The following DCC variants were observed in gnomAD, a reference collection of about 807,000 sequenced individuals.
DCC encodes the protein netrin receptor DCC.
A neutral mutation model predicts 172.5 loss-of-function variants in DCC; 58 were observed. That is an observed-to-expected ratio of 0.34 (90% CI 0.27 to 0.42). The LOEUF is 0.42. DCC is among the 10% of genes least tolerant of loss of function. The probability of loss-of-function intolerance (pLI) is 1.00; values close to 1 mark genes in which losing one functional copy is unlikely to be tolerated. For missense variants in DCC, 1,740 were observed against 1,791.0 expected, an observed-to-expected ratio of 0.97 and a Z score of 0.51; for synonymous variants, 709 against 644.5, an observed-to-expected ratio of 1.10 and a Z score of -1.52.
At chr18:52,935,599 A>G (rs529042619) in intron 5 of DCC, among the ~76,000 whole-genome samples, 1 of 152,044 alleles carries the variant, frequency 6.6e-6, no homozygotes, top group South Asian at 2.1e-4. Flanking sequence ...ACGGAACAAT[A>G]TGTGATATTA....
intron 12 of DCC, among the ~76,000 whole-genome samples, chr18:53,218,377 C>T (rs554272257): frequency 1.1e-4 from 17 of 152,112 alleles, no homozygotes; most frequent in African/African-American, 3.4e-4. Context: ...TCTAGGTACT[C>T]GTTAAGGTTT....
intron 5 of DCC, among the ~76,000 whole-genome samples, chr18:52,935,223 C>G (rs2040364989): frequency 6.6e-6 from 1 of 152,022 alleles, no homozygotes; most frequent in African/African-American, 2.4e-5. Context: ...TGCTCATTTA[C>G]ATAATAGGTC....
chr18:53,019,795 G>T (rs2041854754), intron 5 of DCC, among the ~76,000 whole-genome samples: 1 of 152,046 alleles, frequency 6.6e-6, no homozygotes, highest in Admixed American at 6.6e-5. Flanking sequence ...ATGTATGGTT[G>T]CTTTTGTGCT....
chr18:53,341,136 C>T (rs913258606), intron 15 of DCC, among the ~76,000 whole-genome samples: 3 of 152,130 alleles, frequency 2.0e-5, no homozygotes, highest in Non-Finnish European at 4.4e-5. Context: ...GGCTATCAAG[C>T]CTATGTCAAG....
chr18:53,314,685 G>A (rs1424751458), intron 13 of DCC, among the ~76,000 whole-genome samples: 2 of 151,984 alleles, frequency 1.3e-5, no homozygotes, highest in Non-Finnish European at 2.9e-5. Context: ...AGCTTTTTTA[G>A]GTGTTTGTAG....
chr18:53,020,582 C>T (rs928845330), intron 5 of DCC, among the ~76,000 whole-genome samples: 12 of 152,266 alleles, frequency 7.9e-5, no homozygotes, highest in Admixed American at 4.6e-4. Flanking sequence ...TAGTTCCTAG[C>T]CCTAGTGTAC....
At chr18:52,378,128 T>G (rs1985431525) in intron 1 of DCC, among the ~76,000 whole-genome samples, 1 of 152,134 alleles carries the variant, frequency 6.6e-6, no homozygotes, top group African/African-American at 2.4e-5. Flanking sequence ...TTAAAAGGAA[T>G]AGATTAACTA....
rs532280535 is a variant in DCC, at chr18:52,980,646, T to A, written c.985+55276T>A. On this transcript the variant is annotated intron_variant, in intron 5 of 28. Transcript: ENST00000442544. Reference sequence around the variant, plus strand: ...ATTGTGACATTTTCATAGCAAAAAATTTTATAACATAAAATAAGTACTAAA... The same window carrying A: ...ATTGTGACATTTTCATAGCAAAAAAATTTATAACATAAAATAAGTACTAAA... Among the ~76,000 whole-genome samples the A allele has an allele frequency of 1.1e-3, 171 of 152,126 alleles. 2 individuals are homozygous for A. Among genetic ancestry groups the A allele is most frequent in the African/African-American group, 3.7e-3 (153 of 41,536 alleles).
At chr18:52,520,102 C>G (rs900485019) in intron 1 of DCC, among the ~76,000 whole-genome samples, 1 of 152,210 alleles carries the variant, frequency 6.6e-6, no homozygotes, top group African/African-American at 2.4e-5. Flanking sequence ...AAGCACCAGT[C>G]ATCCAAGGGT....
intron 15 of DCC, among the ~76,000 whole-genome samples, chr18:53,355,578 T>C (rs1181459408): frequency 6.6e-6 from 1 of 152,060 alleles, no homozygotes; most frequent in Non-Finnish European, 1.5e-5. Flanking sequence ...CTCTGTCTGT[T>C]ATTAGTGTAT....
intron 15 of DCC, among the ~76,000 whole-genome samples, chr18:53,365,138 A>G (rs2057990153): frequency 1.4e-5 from 2 of 145,174 alleles, no homozygotes; most frequent in South Asian, 4.3e-4. Flanking sequence ...AAGTGTTTTC[A>G]TTGTTCAATT....
chr18:52,588,366 C>T (rs1451397565), intron 1 of DCC, among the ~76,000 whole-genome samples: 1 of 152,180 alleles, frequency 6.6e-6, no homozygotes, highest in Non-Finnish European at 1.5e-5. Context: ...CTGTTCTGGA[C>T]CCCACTCAAA....
rs1363306132 is a variant in DCC, at chr18:53,303,536, G to T, written c.1912-2042G>T. ...TTTTAAACTACAAATTTTAGCACTT[G>T]AGTTGGACTTATTAAGTAGTGAAAT... is the stretch of plus-strand genomic sequence containing the variant. On this transcript the variant is annotated intron_variant, in intron 12 of 28. Transcript: ENST00000442544. Among the ~76,000 whole-genome samples the T allele has an allele frequency of 3.9e-5, 6 of 152,192 alleles. No individual in the cohort carries two copies. In the East Asian group the frequency reaches 9.6e-4, roughly 24 times the overall value.
At chr18:52,815,104 A>G (rs1180197675) in intron 2 of DCC, among the ~76,000 whole-genome samples, 1 of 152,160 alleles carries the variant, frequency 6.6e-6, no homozygotes, top group Non-Finnish European at 1.5e-5. Flanking sequence ...ATAGTAAAAG[A>G]CTTTATGATG....
intron 1 of DCC, among the ~76,000 whole-genome samples, chr18:52,517,841 G>C (rs1193361906): frequency 6.6e-6 from 1 of 152,110 alleles, no homozygotes; most frequent in East Asian, 1.9e-4. Flanking sequence ...AAGGGATTAG[G>C]AAATACATAG....
At chr18:53,162,295 C>T (rs1337856488) in intron 8 of DCC, among the ~76,000 whole-genome samples, 59 of 103,314 alleles carry the variant, frequency 5.7e-4, no homozygotes, top group African/African-American at 2.2e-3. Context: ...CAAGACTCTG[C>T]CTCAAAAAAA....
At chr18:53,046,709 T>A (rs2042243820) in intron 5 of DCC, among the ~76,000 whole-genome samples, 1 of 151,880 alleles carries the variant, frequency 6.6e-6, no homozygotes, top group Admixed American at 6.6e-5. Flanking sequence ...ACTTCTCAAT[T>A]TACAAAGTAA....
chr18:53,184,672 C>A (rs138875325), intron 9 of DCC, among the ~76,000 whole-genome samples: 1 of 152,176 alleles, frequency 6.6e-6, no homozygotes, highest in East Asian at 1.9e-4. Flanking sequence ...GATATGATAG[C>A]AAGATGTCAC....
chr18:52,590,142 G>A (rs1481780374), intron 1 of DCC, among the ~76,000 whole-genome samples: 2 of 143,344 alleles, frequency 1.4e-5, no homozygotes, highest in African/African-American at 5.2e-5. Flanking sequence ...ATCCACTGGT[G>A]TGCCTTGGTA....
Sources: gnomAD v4.1 joint callset for allele counts (sites outside exome capture counted in the v4.1 genomes callset) on GRCh38, gnomAD v4.1.1 for gene constraint, MANE v1.5 for transcripts, NCBI Gene and HGNC (gene_info 2026-07-23, HGNC 2026-07-21) for gene names.